The following CSMD3 variants were observed in gnomAD, a reference collection of about 807,000 sequenced individuals.
CSMD3 encodes CUB and Sushi multiple domains 3, also known as CUB and sushi domain-containing protein 3.
A neutral mutation model predicts 435.2 loss-of-function variants in CSMD3; 177 were observed. That is an observed-to-expected ratio of 0.41 (90% CI 0.36 to 0.46). CSMD3 has a LOEUF of 0.46. Ranked by LOEUF, CSMD3 falls within the 20% of genes least tolerant of loss-of-function variation. The pLI, the probability that CSMD3 is intolerant of heterozygous loss-of-function variation, is 0.34. For missense variants in CSMD3, 4,265 were observed against 4,504.6 expected, an observed-to-expected ratio of 0.95 and a Z score of 1.52; for synonymous variants, 1,656 against 1,520.5, an observed-to-expected ratio of 1.09 and a Z score of -2.07.
At chr8:112,509,300 G>C (rs1477276042) in intron 28 of CSMD3, among the ~76,000 whole-genome samples, 3 of 151,962 alleles carry the variant, frequency 2.0e-5, no homozygotes, top group African/African-American at 4.8e-5. Flanking sequence ...TGTTGCCCAG[G>C]CTGGTCTTGA....
intron 9 of CSMD3, among the ~76,000 whole-genome samples, chr8:112,932,725 G>C (rs1215439917): frequency 6.6e-6 from 1 of 152,044 alleles, no homozygotes; most frequent in African/African-American, 2.4e-5. Flanking sequence ...TTGGTTAATG[G>C]ATACCTACAG....
At chr8:113,048,803 T>G (rs539331961) in intron 5 of CSMD3, among the ~76,000 whole-genome samples, 33 of 152,274 alleles carry the variant, frequency 2.2e-4, no homozygotes, top group African/African-American at 7.9e-4. Context: ...TCACTTTCTG[T>G]CAGTAAACTA....
intron 56 of CSMD3, among the ~76,000 whole-genome samples, chr8:112,290,195 G>T (rs185755509): frequency 6.6e-6 from 1 of 152,152 alleles, no homozygotes; most frequent in African/African-American, 2.4e-5. Context: ...GTGATAGGTA[G>T]TTTCAGAATT....
intron 3 of CSMD3, among the ~76,000 whole-genome samples, chr8:113,175,306 G>A (rs1301020763): frequency 6.6e-6 from 1 of 151,670 alleles, no homozygotes; most frequent in East Asian, 1.9e-4. Context: ...ATTGAGCACA[G>A]GACATCCATA....
At chr8:112,797,560 G>A (rs1249545567) in intron 13 of CSMD3, among the ~76,000 whole-genome samples, 2 of 151,762 alleles carry the variant, frequency 1.3e-5, no homozygotes, top group Non-Finnish European at 3.0e-5. Context: ...TTAATTTAGA[G>A]GACATGTACA....
intron 35 of CSMD3, among the ~76,000 whole-genome samples, chr8:112,405,821 T>C (rs1338458479): frequency 6.6e-6 from 1 of 152,108 alleles, no homozygotes; most frequent in South Asian, 2.1e-4. Context: ...TCTTAAAAGA[T>C]CTCTGAATTC....
chr8:113,237,617 G>A (rs2093164460), intron 3 of CSMD3, among the ~76,000 whole-genome samples: 1 of 151,546 alleles, frequency 6.6e-6, no homozygotes, highest in African/African-American at 2.4e-5. Context: ...GATTCCAGTT[G>A]GTCTCTAGAT....
At chr8:113,019,346 G>A (rs2086594525) in intron 5 of CSMD3, among the ~76,000 whole-genome samples, 167 bp from the exon 6 acceptor site, 1 of 152,014 alleles carries the variant, frequency 6.6e-6, no homozygotes, top group African/African-American at 2.4e-5. Flanking sequence ...GTCAATCACA[G>A]AATAGTGCAA....
chr8:112,335,910 TTTTATTTA>T (rs1369802021), intron 44 of CSMD3, among the ~76,000 whole-genome samples: 1 of 151,948 alleles, frequency 6.6e-6, no homozygotes, highest in African/African-American at 2.4e-5. Context: ...TTTAATACAT[TTTTATTTA>T]TTTATTTATT....
At chr8:112,859,052 T>G in intron 11 of CSMD3, 93 bp downstream of exon 11, 1 of 1,224,374 alleles carries the variant, frequency 8.2e-7, no homozygotes, top group East Asian at 2.4e-5. Flanking sequence ...ACTTGAGTTA[T>G]AAATTTTCCA....
At chr8:112,637,379 A>G (rs2074691602) in intron 21 of CSMD3, among the ~76,000 whole-genome samples, 1 of 144,498 alleles carries the variant, frequency 6.9e-6, no homozygotes, top group South Asian at 2.2e-4. Context: ...ATTTGAAATG[A>G]AATCATTTGC....
intron 27 of CSMD3, among the ~76,000 whole-genome samples, chr8:112,547,402 T>A (rs1277475432): frequency 2.0e-5 from 3 of 151,614 alleles, no homozygotes. Flanking sequence ...AAAATAAAAA[T>A]TAGTGAAGTG....
chr8:112,921,574 A>G, intron 10 of CSMD3, 53 bp downstream of exon 10: 1 of 1,433,126 alleles, frequency 7.0e-7, no homozygotes, highest in East Asian at 2.3e-5. Context: ...TTACAATGAA[A>G]TAAAGGTTAA....
intron 27 of CSMD3, among the ~76,000 whole-genome samples, chr8:112,549,792 T>C (rs1228591204): frequency 6.6e-6 from 1 of 152,144 alleles, no homozygotes; most frequent in East Asian, 1.9e-4. Flanking sequence ...GAAAACCCAG[T>C]ATCGGGTCAC....
chr8:112,310,202 G>C (rs943256208), intron 50 of CSMD3: 6 of 152,208 alleles, frequency 3.9e-5, no homozygotes, highest in African/African-American at 1.2e-4. Flanking sequence ...TTTAAAACAA[G>C]TCTTTTTGTT....
intron 32 of CSMD3, among the ~76,000 whole-genome samples, chr8:112,419,652 C>T (rs1401868147): frequency 6.6e-6 from 1 of 152,164 alleles, no homozygotes; most frequent in African/African-American, 2.4e-5. Flanking sequence ...AGATTTCTGT[C>T]TGTATTGTGA....
At chr8:112,235,064 A>C (rs1813440998) in intron 67 of CSMD3, among the ~76,000 whole-genome samples, 1 of 152,270 alleles carries the variant, frequency 6.6e-6, no homozygotes, top group African/African-American at 2.4e-5. Flanking sequence ...AGGAATAGTT[A>C]TCAAGGAAAA....
At chr8:112,752,898 C>CACGTGTGT (rs1491380239) in intron 13 of CSMD3, among the ~76,000 whole-genome samples, 3 of 96,018 alleles carry the variant, frequency 3.1e-5, no homozygotes, top group African/African-American at 1.4e-4. Context: ...TATTTGTTAC[C>CACGTGTGT]GCGTGTGTGT....
At chr8:112,319,469 T>C (rs1210277436) in intron 46 of CSMD3, among the ~76,000 whole-genome samples, 1 of 152,148 alleles carries the variant, frequency 6.6e-6, no homozygotes, top group Non-Finnish European at 1.5e-5. Context: ...AACTTTATGA[T>C]TAAATTGAGT....
Sources: allele counts gnomAD v4.1 joint callset (sites outside exome capture counted in the v4.1 genomes callset), GRCh38; gene constraint gnomAD v4.1.1; transcripts MANE v1.5; gene names NCBI Gene and HGNC (gene_info 2026-07-23, HGNC 2026-07-21).